The following CNTN4 variants were observed in gnomAD, a reference collection of about 807,000 sequenced individuals.
CNTN4 encodes contactin-4.
Under a neutral mutation model 122.5 loss-of-function variants are expected in CNTN4, and 77 were observed. The ratio of observed to expected loss-of-function variants is 0.63; its 90% CI spans 0.52 to 0.76. The LOEUF (loss-of-function observed/expected upper bound fraction) is 0.76, where lower values mean the gene tolerates loss of function less well. CNTN4 is among the 30% of genes least tolerant of loss of function. CNTN4 has a pLI of 0.00. For synonymous variants in CNTN4, 512 were observed against 447.0 expected (o/e 1.15, Z -1.83); for missense variants, 1,256 against 1,259.1 (o/e 1.00, Z 0.04).
chr3:2,103,321 A>G (rs1187291380), intron 2 of CNTN4, among the ~76,000 whole-genome samples: 2 of 152,210 alleles, frequency 1.3e-5, no homozygotes, highest in East Asian at 3.8e-4. Flanking sequence ...AATCCAAAAC[A>G]TACTGGAATG....
chr3:2,148,314 G>C (rs902816413), intron 2 of CNTN4, among the ~76,000 whole-genome samples: 1 of 151,942 alleles, frequency 6.6e-6, no homozygotes, highest in African/African-American at 2.4e-5. Context: ...TGAGAGGGTC[G>C]CTTGAGCCCA....
chr3:2,483,567 C>A (rs2076065623), intron 3 of CNTN4, among the ~76,000 whole-genome samples: 1 of 152,150 alleles, frequency 6.6e-6, no homozygotes, highest in African/African-American at 2.4e-5. Context: ...GTTGTAATCC[C>A]ATAATTCCCA....
chr3:2,588,946 C>G (rs920958555), intron 4 of CNTN4, among the ~76,000 whole-genome samples: 2 of 151,984 alleles, frequency 1.3e-5, no homozygotes, highest in Non-Finnish European at 2.9e-5. Flanking sequence ...AACTCATGTA[C>G]TAGGTAAAAG....
At chr3:2,752,193 G>C (rs568641056) in intron 6 of CNTN4, among the ~76,000 whole-genome samples, 2 of 152,204 alleles carry the variant, frequency 1.3e-5, no homozygotes, top group South Asian at 4.1e-4. Flanking sequence ...GTAACTGCAT[G>C]TATTTATGGG....
chr3:2,823,812 C>T (rs2092928284), intron 7 of CNTN4, among the ~76,000 whole-genome samples: 3 of 152,108 alleles, frequency 2.0e-5, no homozygotes, highest in Admixed American at 1.3e-4. Flanking sequence ...GGTTTTTGTT[C>T]ATGCCTTCAT....
chr3:2,318,340 C>G (rs142149287), intron 2 of CNTN4, among the ~76,000 whole-genome samples: 2 of 151,890 alleles, frequency 1.3e-5, no homozygotes, highest in Non-Finnish European at 2.9e-5. Context: ...AAGAACTGTT[C>G]TTACCAGAAA....
intron 3 of CNTN4, among the ~76,000 whole-genome samples, chr3:2,453,291 T>C (rs2048894594): frequency 6.6e-6 from 1 of 152,142 alleles, no homozygotes; most frequent in Non-Finnish European, 1.5e-5. Context: ...ACAGTGAACT[T>C]TTCATGTGAA....
rs1385314380 is a variant in CNTN4 at position 2,841,100 on chromosome 3, C to T, written c.454+21519C>T. Among the ~76,000 whole-genome samples, 1 of 152,162 alleles carries T rather than the reference C, an allele frequency of 6.6e-6. No individual in the cohort carries two copies. Among genetic ancestry groups the T allele is most frequent in the African/African-American group, 2.4e-5 (1 of 41,450 alleles). ...AATCATACATGACTGATACCAATCT[C>T]ATCATTGGACTAGATTTCTCAGTGA... On this transcript the variant is annotated intron_variant, in intron 7 of 24. Transcript: ENST00000418658. The surrounding 1 kb of genome is among the most constrained non-coding windows in gnomAD (Gnocchi z 4.8).
chr3:2,736,225 A>G lies in CNTN4; in HGVS notation c.66A>G (p.Thr22=), dbSNP rs1318114504. The change falls in exon 5 of 25, where the codon ACA becomes ACG. Residue 22 remains threonine (T), a synonymous_variant. Transcript: ENST00000418658. ...SFILCLADDS[T]LHGPIFIQEP... ...CTCTTCTCATTTCAGATGATTCCAC[A>G]CTGCATGGCCCGATTTTTATTCAAG... 6 of 1,613,540 alleles carry G rather than the reference A, an allele frequency of 3.7e-6. No homozygotes were observed. In the South Asian group the frequency reaches 4.4e-5, roughly 12 times the overall value.
At chr3:2,403,743 TA>T (rs1364060174) in intron 3 of CNTN4, among the ~76,000 whole-genome samples, 4 of 152,198 alleles carry the variant, frequency 2.6e-5, no homozygotes, top group African/African-American at 9.6e-5. Flanking sequence ...ACATAGTTAA[TA>T]TTTATATTCT....
chr3:2,178,510 T>A (rs2036855707), intron 2 of CNTN4, among the ~76,000 whole-genome samples: 1 of 152,078 alleles, frequency 6.6e-6, no homozygotes, highest in African/African-American at 2.4e-5. Context: ...TTTAGGATGG[T>A]GTTAAAACAG....
At chr3:2,563,460 G>T (rs2079038168) in intron 3 of CNTN4, among the ~76,000 whole-genome samples, 1 of 152,012 alleles carries the variant, frequency 6.6e-6, no homozygotes. Context: ...TATAGTAAAT[G>T]CTGTTTAAAT....
chr3:2,891,331 C>G (rs1305067027), intron 10 of CNTN4, among the ~76,000 whole-genome samples: 3 of 151,992 alleles, frequency 2.0e-5, no homozygotes, highest in Non-Finnish European at 4.4e-5. Context: ...CCGGTAGTCC[C>G]AACTACACGG....
rs557587478 is a variant in CNTN4 at position 2,309,980 on chromosome 3, T to C, written c.-144-29198T>C. Reference sequence around the variant, plus strand: ...AAAAGCTTACTTGTATTAAATACTTTATGGTATGCTGGTGATGTTTATGTC... The same window carrying C: ...AAAAGCTTACTTGTATTAAATACTTCATGGTATGCTGGTGATGTTTATGTC... On this transcript the variant is annotated intron_variant, in intron 2 of 24. Transcript: ENST00000418658. Among the ~76,000 whole-genome samples, 77 of 152,300 alleles carry C rather than the reference T, an allele frequency of 5.1e-4. 1 individual carries two copies. Among genetic ancestry groups the C allele is most frequent in the Middle Eastern group, 3.4e-3 (1 of 294 alleles).
intron 13 of CNTN4, among the ~76,000 whole-genome samples, chr3:2,953,181 C>T (rs190204362): frequency 3.3e-5 from 5 of 152,264 alleles, no homozygotes; most frequent in African/African-American, 1.2e-4. Flanking sequence ...TTGCCCTTGT[C>T]TCAAACATGT....
chr3:3,054,647 C>T (rs1242912381), intron 24 of CNTN4, among the ~76,000 whole-genome samples: 1 of 151,996 alleles, frequency 6.6e-6, no homozygotes, highest in Admixed American at 6.6e-5. Context: ...AACAAAATAG[C>T]CAAATCCGTG....
intron 2 of CNTN4, among the ~76,000 whole-genome samples, chr3:2,117,347 C>G (rs1373142659): frequency 6.6e-6 from 1 of 152,204 alleles, no homozygotes; most frequent in African/African-American, 2.4e-5. Context: ...CCACACTGGG[C>G]CTTTCATGCC....
At chr3:2,803,650 C>T (rs1045858926) in intron 6 of CNTN4, among the ~76,000 whole-genome samples, 1 of 151,570 alleles carries the variant, frequency 6.6e-6, no homozygotes, top group Non-Finnish European at 1.5e-5. Flanking sequence ...ACATCCGCCT[C>T]CTGGGTTCAA....
chr3:2,113,825 G>T (rs1041656086), intron 2 of CNTN4, among the ~76,000 whole-genome samples: 5 of 152,146 alleles, frequency 3.3e-5, no homozygotes, highest in Non-Finnish European at 2.9e-5. Flanking sequence ...TTTGCTTTAA[G>T]CCCTTGGTGG....
Sources: gnomAD v4.1 joint callset for allele counts (sites outside exome capture counted in the v4.1 genomes callset) on GRCh38, gnomAD v4.1.1 for gene constraint, Gnocchi (gnomAD v3.1) non-coding constraint, MANE v1.5 for transcripts, NCBI Gene and HGNC (gene_info 2026-07-23, HGNC 2026-07-21) for gene names.